FRK: variants seen among roughly 807,000 people sequenced by gnomAD.
The protein encoded by FRK is tyrosine-protein kinase FRK.
A neutral mutation model predicts 56.4 loss-of-function variants in FRK; 51 were observed. That is an observed-to-expected ratio of 0.90 (90% CI 0.72 to 1.14). The LOEUF (loss-of-function observed/expected upper bound fraction) is 1.14. Among genes scored for constraint, FRK ranks in the 50% most tolerant of loss-of-function variants. The probability of loss-of-function intolerance (pLI) is 0.00; values close to 1 mark genes in which losing one functional copy is unlikely to be tolerated. For synonymous variants in FRK, 245 were observed against 217.9 expected (o/e 1.12, Z -1.10); for missense variants, 570 against 601.4 (o/e 0.95, Z 0.55).
At chr6:116,039,857 T>A (rs1336823537) in intron 1 of FRK, among the ~76,000 whole-genome samples, 1 of 150,650 alleles carries the variant, frequency 6.6e-6, no homozygotes, top group Non-Finnish European at 1.5e-5. Flanking sequence ...TCGGAAGCCA[T>A]GAGTGCTGCC....
chr6:115,990,568 A>C (rs2114660563), intron 2 of FRK, among the ~76,000 whole-genome samples: 1 of 151,948 alleles, frequency 6.6e-6, no homozygotes, highest in South Asian at 2.1e-4. Flanking sequence ...CTTTTGTTGA[A>C]GATCAGTTGG....
At chr6:115,991,672 G>A (rs761157314) in intron 2 of FRK, among the ~76,000 whole-genome samples, 1 of 151,758 alleles carries the variant, frequency 6.6e-6, no homozygotes, top group Non-Finnish European at 1.5e-5. Context: ...AATTCAGTTT[G>A]CTAGTATTTT....
intron 2 of FRK, among the ~76,000 whole-genome samples, chr6:115,977,617 G>A (rs1200582043): frequency 6.6e-6 from 1 of 152,130 alleles, no homozygotes; most frequent in African/African-American, 2.4e-5. Flanking sequence ...GTCTATCAGG[G>A]TTGTTACTGG....
chr6:115,939,971 A>AGTT lies in FRK; in HGVS notation c.*2442_*2443insAAC, dbSNP rs1772127466. The stretch of plus-strand genomic sequence containing the variant: ...CATTGACTTTCTTCACAGAATTGGA[A>AGTT]AAAACTACTTTAAACTTCATATGGA... On this transcript the variant is annotated 3_prime_UTR_variant, in exon 8 of 8. Coordinates refer to ENST00000606080, the MANE Select transcript of FRK (RefSeq NM_002031.3). 1 of 152,212 alleles carries AGTT rather than the reference A, an allele frequency of 6.6e-6. No homozygotes were observed. Among genetic ancestry groups the AGTT allele is most frequent in the Non-Finnish European group, 1.5e-5 (1 of 68,044 alleles). The allele number at this position is 152,212 out of a possible 1,614,324, so 9.4% of individuals were successfully genotyped here.
intron 2 of FRK, among the ~76,000 whole-genome samples, chr6:115,991,413 T>C (rs970500731): frequency 2.0e-5 from 3 of 151,948 alleles, no homozygotes; most frequent in African/African-American, 7.2e-5. Context: ...GGGTTTATCA[T>C]CTAAGGCTCT....
At chr6:116,014,434 A>T (rs1040370971) in intron 1 of FRK, among the ~76,000 whole-genome samples, 4 of 152,080 alleles carry the variant, frequency 2.6e-5, no homozygotes, top group African/African-American at 9.7e-5. Context: ...AAAAAAATAT[A>T]CTTTGAAAGG....
At chr6:116,088,874 C>A in the FRK span, among the ~76,000 whole-genome samples, 3 of 152,170 alleles carry the variant, frequency 2.0e-5, no homozygotes, top group Middle Eastern at 3.2e-3. Context: ...GGTCTGAAGA[C>A]AAAGAAGTTA....
At chr6:115,983,857 C>T (rs1353213842) in intron 2 of FRK, among the ~76,000 whole-genome samples, 1 of 152,122 alleles carries the variant, frequency 6.6e-6, no homozygotes, top group Non-Finnish European at 1.5e-5. Flanking sequence ...GACCTTGTTA[C>T]TGTCCCCTTT....
chr6:115,996,189 C>T (rs1774832768), intron 2 of FRK, among the ~76,000 whole-genome samples: 1 of 152,030 alleles, frequency 6.6e-6, no homozygotes, highest in South Asian at 2.1e-4. Flanking sequence ...CTTCTTGGGA[C>T]ATACAATTGT....
intron 2 of FRK, among the ~76,000 whole-genome samples, chr6:115,997,240 G>C (rs907316186): frequency 6.6e-6 from 1 of 152,102 alleles, no homozygotes; most frequent in Non-Finnish European, 1.5e-5. Flanking sequence ...ATTTCGTTCT[G>C]AAAATTCTAA....
the FRK span, among the ~76,000 whole-genome samples, chr6:116,074,422 T>G: frequency 6.6e-6 from 1 of 152,196 alleles, no homozygotes; most frequent in Admixed American, 6.6e-5. Flanking sequence ...TATGCCATGC[T>G]TCTTCATTTT....
At chr6:115,971,555 C>T (rs902063114) in intron 2 of FRK, among the ~76,000 whole-genome samples, 3 of 152,170 alleles carry the variant, frequency 2.0e-5, no homozygotes, top group African/African-American at 4.8e-5. Context: ...CATGTTCTTC[C>T]CAGTGGTCTT....
chr6:115,967,588 G>C lies in FRK; in HGVS notation c.762C>G (p.Asn254Lys), dbSNP rs780358184. 1.2e-6 allele frequency: 2 copies of C among 1,613,584 alleles called. No homozygotes were observed. Among genetic ancestry groups the C allele is most frequent in the East Asian group, 4.5e-5 (2 of 44,880 alleles). ...QFGEVWEGLW[N>K]NTTPVAVKTL... ...TTTTCACTGCTACTGGAGTGGTATT[G>C]TTCCACAGACCTTCCCATACTTCGC... The change falls in exon 4 of 8, where the codon AAC (asparagine) becomes AAG (lysine). Residue 254 changes from asparagine to lysine, a missense_variant. Coordinates refer to ENST00000606080, the MANE Select transcript of FRK (RefSeq NM_002031.3).
At chr6:115,987,321 G>C (rs181423032) in intron 2 of FRK, among the ~76,000 whole-genome samples, 185 of 152,060 alleles carry the variant, frequency 1.2e-3, no homozygotes, top group African/African-American at 4.4e-3. Flanking sequence ...CACAGTTCTA[G>C]TAATAGAAAG....
chr6:116,025,245 G>C (rs544784115), intron 1 of FRK, among the ~76,000 whole-genome samples: 1 of 152,202 alleles, frequency 6.6e-6, no homozygotes, highest in South Asian at 2.1e-4. Context: ...ACATTGCAGA[G>C]GACCAGCTGG....
intron 7 of FRK, 21 bp from the exon 8 acceptor site, chr6:115,942,646 CCAA>C (rs767682095): frequency 7.6e-6 from 12 of 1,586,650 alleles, no homozygotes; most frequent in African/African-American, 1.3e-5. Context: ...CAGAACGAAA[CCAA>C]CAACAACAAA....
chr6:115,979,768 C>T (rs1357638558), intron 2 of FRK, among the ~76,000 whole-genome samples: 1 of 152,086 alleles, frequency 6.6e-6, no homozygotes, highest in Non-Finnish European at 1.5e-5. Context: ...TACACAAATA[C>T]TATTGTGTTA....
intron 5 of FRK, among the ~76,000 whole-genome samples, chr6:115,954,274 G>A (rs767903103): frequency 6.6e-5 from 10 of 152,202 alleles, no homozygotes; most frequent in Non-Finnish European, 1.0e-4. Flanking sequence ...AGATCCGAGA[G>A]GGAATAGAGA....
At chr6:115,997,747 G>A (rs1020785019) in intron 2 of FRK, among the ~76,000 whole-genome samples, 2 of 152,174 alleles carry the variant, frequency 1.3e-5, no homozygotes, top group South Asian at 2.1e-4. Context: ...CCTGGTTCAA[G>A]CTCTCATTTA....
Sources: gnomAD v4.1 joint callset for allele counts (sites outside exome capture counted in the v4.1 genomes callset) on GRCh38, gnomAD v4.1.1 for gene constraint, MANE v1.5 for transcripts, NCBI Gene and HGNC (gene_info 2026-07-23, HGNC 2026-07-21) for gene names.